The following PALLD variants were observed in gnomAD, a reference collection of about 807,000 sequenced individuals.
PALLD encodes the protein palladin.
A neutral mutation model predicts 123.5 loss-of-function variants in PALLD; 61 were observed. That is an observed-to-expected ratio of 0.49 (90% CI 0.40 to 0.61). The LOEUF (loss-of-function observed/expected upper bound fraction) is 0.61, where lower values mean the gene tolerates loss of function less well. Among genes scored for constraint, PALLD ranks in the 20% least tolerant of loss-of-function variants. The pLI, the probability that PALLD is intolerant of heterozygous loss-of-function variation, is 0.00. For missense variants in PALLD, 1,273 were observed against 1,377.0 expected (o/e 0.92, Z 1.20); for synonymous variants, 465 against 496.4 (o/e 0.94, Z 0.84).
intron 2 of PALLD, among the ~76,000 whole-genome samples, chr4:168,653,802 G>A (rs778632807): frequency 6.6e-6 from 1 of 152,058 alleles, no homozygotes; most frequent in East Asian, 1.9e-4. Context: ...CCGGGTTCAC[G>A]CCATTCTCCT....
chr4:168,577,121 C>G lies in PALLD; in HGVS notation c.908+64709C>G, dbSNP rs146166440. On this transcript the variant is annotated intron_variant, in intron 2 of 21. Transcript: ENST00000505667. ...CATAAGGTGGAAGAAGATTTATGAA[C>G]AGAAAAAGGAAAATGATGTACAGAA... Among the ~76,000 whole-genome samples, 331 of 152,166 alleles carry G rather than the reference C, an allele frequency of 2.2e-3. 4 individuals carry two copies. Among genetic ancestry groups the G allele is most frequent in the African/African-American group, 4.2e-3 (174 of 41,532 alleles).
chr4:168,687,945 C>G (rs189951791), intron 6 of PALLD, among the ~76,000 whole-genome samples: 427 of 152,264 alleles, frequency 2.8e-3, no homozygotes, highest in Middle Eastern at 6.8e-3. Context: ...ACTAGAAGCT[C>G]AGAGCCACTG....
rs1437317464 is a variant in PALLD, at chr4:168,530,315, G to A, written c.908+17903G>A. Reference sequence around the variant, plus strand: ...TCATCTTGCTATTGATGTCCATTACGTGCATTTGGACTATGTTATGCATGT... The same window carrying A: ...TCATCTTGCTATTGATGTCCATTACATGCATTTGGACTATGTTATGCATGT... On this transcript the variant is annotated intron_variant, in intron 2 of 21. Coordinates refer to ENST00000505667, the MANE Select transcript of PALLD (RefSeq NM_001166108.2). Among the ~76,000 whole-genome samples, 6 of 152,212 alleles carry A rather than the reference G, an allele frequency of 3.9e-5. 1 individual carries two copies. The highest frequency in any genetic ancestry group is 4.2e-4 in the South Asian group (2 of 4,818).
rs1731658976 is a variant in PALLD, at chr4:168,755,218, GCA to G, written c.1964+43296_1964+43297del. 2.2e-5 allele frequency among the ~76,000 whole-genome samples: 3 copies of G among 137,888 alleles called. No homozygotes were observed. The Admixed American group carries it at 2.3e-4, about 10-fold the overall frequency. 90.5% of individuals were successfully genotyped at this position (137,888 alleles called of 152,430 possible). On this transcript the variant is annotated intron_variant, in intron 10 of 21. Coordinates refer to ENST00000505667, the MANE Select transcript of PALLD (RefSeq NM_001166108.2). ...ACTGCACTCCAGCCTGGGCGAGAGA[GCA>G]AGACTCCGTCTCAAAAAAAAAAAAA... is the stretch of plus-strand genomic sequence containing the variant.
intron 2 of PALLD, among the ~76,000 whole-genome samples, chr4:168,541,447 A>T (rs907359153): frequency 2.1e-4 from 5 of 23,284 alleles, no homozygotes; most frequent in African/African-American, 4.0e-4. Context: ...CACTCATTTT[A>T]TTTATTTATT....
chr4:168,681,035 G>C (rs115936255), intron 3 of PALLD, among the ~76,000 whole-genome samples: 1,654 of 152,210 alleles, frequency 0.011, 25 homozygotes, highest in African/African-American at 0.038. Flanking sequence ...ATAGTTTATA[G>C]CCATTTAAAA....
intron 2 of PALLD, among the ~76,000 whole-genome samples, chr4:168,556,482 A>G (rs1767319310): frequency 6.6e-6 from 1 of 152,184 alleles, no homozygotes; most frequent in Admixed American, 6.5e-5. Context: ...CCATTCACAT[A>G]TATTTTTCAT....
rs77344010 is a variant in PALLD at position 168,696,854 on chromosome 4, G to A, written c.1501+5562G>A. ...TAGAGATGCATAGCTGAATAACTGG[G>A]ATTCCAGAAGGAGAGAAGAAAGAAG... On this transcript the variant is annotated intron_variant, in intron 8 of 21. Transcript: ENST00000505667. Among the ~76,000 whole-genome samples, 1,066 of 152,292 alleles carry A rather than the reference G, an allele frequency of 7.0e-3. 9 individuals carry two copies. Among genetic ancestry groups the A allele is most frequent in the East Asian group, 0.025 (130 of 5,182 alleles).
intron 2 of PALLD, among the ~76,000 whole-genome samples, chr4:168,581,150 A>T (rs1005629773): frequency 6.6e-6 from 1 of 152,024 alleles, no homozygotes; most frequent in Non-Finnish European, 1.5e-5. Context: ...ATTAAAAAAA[A>T]ATACCCAGAT....
chr4:168,689,540 T>C (rs1010509730), intron 6 of PALLD, among the ~76,000 whole-genome samples: 1 of 143,002 alleles, frequency 7.0e-6, no homozygotes, highest in Non-Finnish European at 1.5e-5. Flanking sequence ...CTCTGCCTCC[T>C]GAGTTCAAGT....
chr4:168,544,885 A>G (rs1765991881), intron 2 of PALLD, among the ~76,000 whole-genome samples: 1 of 152,194 alleles, frequency 6.6e-6, no homozygotes, highest in African/African-American at 2.4e-5. Context: ...GAAACAACGT[A>G]AAAGCTACTT....
intron 10 of PALLD, among the ~76,000 whole-genome samples, chr4:168,870,305 T>C (rs1750908281): frequency 6.6e-6 from 1 of 152,212 alleles, no homozygotes; most frequent in African/African-American, 2.4e-5. Context: ...ATTTTTGTCT[T>C]GATCTGGGTA....
chr4:168,863,476 C>T (rs1035039780), intron 10 of PALLD, among the ~76,000 whole-genome samples: 1 of 152,188 alleles, frequency 6.6e-6, no homozygotes. Flanking sequence ...CCATATTCGC[C>T]ACCAAGGGCG....
At chr4:168,586,179 G>T (rs181212909) in intron 2 of PALLD, among the ~76,000 whole-genome samples, 2,941 of 114,402 alleles carry the variant, frequency 0.026, 41 homozygotes, top group Middle Eastern at 0.052. Flanking sequence ...AAAAAAAAAA[G>T]GCTTTCTAAG....
intron 3 of PALLD, among the ~76,000 whole-genome samples, chr4:168,680,749 A>G (rs904811117): frequency 2.8e-4 from 42 of 152,352 alleles, no homozygotes; most frequent in African/African-American, 1.0e-3. Flanking sequence ...AAATCTCTTG[A>G]CATGAAATAT....
rs957076512 is a variant in PALLD at position 168,816,385 on chromosome 4, G to T, written c.1965-74537G>T. Among the ~76,000 whole-genome samples, 416 of 100,644 alleles carry T rather than the reference G, an allele frequency of 4.1e-3. 2 individuals carry two copies. Among genetic ancestry groups the T allele is most frequent in the African/African-American group, 0.014 (389 of 27,570 alleles). 66.0% of individuals were successfully genotyped at this position (100,644 alleles called of 152,430 possible). ...ACTTAGACCTATGTTATATGTGTAT[G>T]TGTGTATATATATATATATATATAT... On this transcript the variant is annotated intron_variant, in intron 10 of 21. Transcript: ENST00000505667.
intron 1 of PALLD, among the ~76,000 whole-genome samples, chr4:168,506,669 T>C (rs926307370): frequency 6.6e-6 from 1 of 152,208 alleles, no homozygotes; most frequent in East Asian, 1.9e-4. Flanking sequence ...CCAGAGTCTA[T>C]ACTTTTGTTC....
At chr4:168,568,423 G>A (rs573383552) in intron 2 of PALLD, among the ~76,000 whole-genome samples, 1 of 152,006 alleles carries the variant, frequency 6.6e-6, no homozygotes, top group East Asian at 1.9e-4. Context: ...GTTCAATTCA[G>A]GATTTGAAGT....
At chr4:168,550,347 C>G (rs1580264331) in intron 2 of PALLD, among the ~76,000 whole-genome samples, 1 of 152,034 alleles carries the variant, frequency 6.6e-6, no homozygotes, top group East Asian at 1.9e-4. Context: ...CCATCCAAAG[C>G]AGAGAATTAC....
Sources: gnomAD v4.1 joint callset for allele counts (sites outside exome capture counted in the v4.1 genomes callset) on GRCh38, gnomAD v4.1.1 for gene constraint, MANE v1.5 for transcripts, NCBI Gene and HGNC (gene_info 2026-07-23, HGNC 2026-07-21) for gene names.